The following RYR3 variants were observed in gnomAD, a reference collection of about 807,000 sequenced individuals.
The protein encoded by RYR3 is brain ryanodine receptor-calcium release channel.
Under a neutral mutation model 584.3 loss-of-function variants are expected in RYR3, and 207 were observed. The observed-to-expected ratio is 0.35, with a 90% CI of 0.32 to 0.40. RYR3 has a LOEUF of 0.40. Among genes scored for constraint, RYR3 ranks in the 10% least tolerant of loss-of-function variants. The probability of loss-of-function intolerance (pLI) is 1.00; values close to 1 mark genes in which losing one functional copy is unlikely to be tolerated. For missense variants in RYR3, 5,616 were observed against 6,089.2 expected (o/e 0.92, Z 2.59); for synonymous variants, 2,416 against 2,248.5 (o/e 1.07, Z -2.11).
chr15:33,828,059 T>C (rs556869595), intron 85 of RYR3, among the ~76,000 whole-genome samples: 2 of 152,366 alleles, frequency 1.3e-5, no homozygotes, highest in South Asian at 4.1e-4. Flanking sequence ...GGTGTCTCTG[T>C]CACATTTTGA....
intron 1 of RYR3, among the ~76,000 whole-genome samples, chr15:33,445,334 C>A (rs1167945270): frequency 6.6e-6 from 1 of 152,030 alleles, no homozygotes; most frequent in Non-Finnish European, 1.5e-5. Context: ...AAGAAGGAAT[C>A]TTAAGTTTGA....
chr15:33,648,670 G>T (rs545882797), intron 30 of RYR3, among the ~76,000 whole-genome samples: 1 of 152,178 alleles, frequency 6.6e-6, no homozygotes, highest in Admixed American at 6.5e-5. Context: ...TTTCTCTGAG[G>T]GCAGGGACTG....
At chr15:33,435,139 G>A (rs547604932) in intron 1 of RYR3, among the ~76,000 whole-genome samples, 5 of 151,516 alleles carry the variant, frequency 3.3e-5, no homozygotes, top group African/African-American at 7.3e-5. Context: ...TTAAGTTCAG[G>A]GGTACATGTG....
intron 46 of RYR3, among the ~76,000 whole-genome samples, chr15:33,728,110 A>G (rs1187666471): frequency 2.0e-5 from 3 of 152,288 alleles, no homozygotes; most frequent in East Asian, 3.9e-4. Context: ...GTCTTCATTC[A>G]TGTTTTCTCC....
intron 2 of RYR3, among the ~76,000 whole-genome samples, chr15:33,480,967 C>A (rs541830772): frequency 1.0e-3 from 152 of 152,262 alleles, no homozygotes; most frequent in African/African-American, 3.6e-3. Flanking sequence ...CTCTTTAGTT[C>A]TGTCACTTTT....
At position 33,748,244 on chromosome 15, in the gene RYR3, T is replaced by C; in HGVS notation, c.8120T>C (p.Val2707Ala). 1 of 1,613,808 alleles carries C rather than the reference T, an allele frequency of 6.2e-7. No individual in the cohort carries two copies. Among genetic ancestry groups the C allele is most frequent in the South Asian group, 1.1e-5 (1 of 91,060 alleles). The change falls in exon 54 of 104, where the codon GTG becomes GCG. Residue 2707 changes from valine to alanine, a missense_variant. Around this residue, in one of 9 missense-constraint regions of RYR3, gnomAD observed 1,280 missense variants for 1,426.2 expected, o/e 0.90. Transcript: ENST00000634891. ...QQRENEKLRSVSQANQGNSYS... is the reference protein window; with the variant it reads ...QQRENEKLRSASQANQGNSYS... The stretch of plus-strand genomic sequence containing the variant: ...CGGGAAAATGAGAAGCTTCGAAGTG[T>C]GTCCCAGGCCAACCAGGTATGACAC...
intron 1 of RYR3, among the ~76,000 whole-genome samples, chr15:33,406,729 G>A (rs28687371): frequency 0.093 from 14,090 of 152,128 alleles, 788 homozygotes; most frequent in African/African-American, 0.14. Flanking sequence ...CTTGTTAGTC[G>A]AAGAGGAAAT....
chr15:33,392,720 G>A (rs2042079894), intron 1 of RYR3, among the ~76,000 whole-genome samples: 1 of 152,156 alleles, frequency 6.6e-6, no homozygotes, highest in Non-Finnish European at 1.5e-5. Flanking sequence ...AATAGCAGGA[G>A]ATCCGACACT....
At chr15:33,532,420 C>T (rs1335336329) in intron 4 of RYR3, among the ~76,000 whole-genome samples, 2 of 152,112 alleles carry the variant, frequency 1.3e-5, no homozygotes, top group African/African-American at 4.8e-5. Flanking sequence ...ATCCATGTCC[C>T]TCCACACTAT....
At chr15:33,738,141 C>G (rs1343202906) in intron 49 of RYR3, among the ~76,000 whole-genome samples, 1 of 152,166 alleles carries the variant, frequency 6.6e-6, no homozygotes, top group African/African-American at 2.4e-5. Flanking sequence ...TGGCTACTTT[C>G]AGAAGGTAGC....
chr15:33,675,222 G>A (rs1319864016), intron 38 of RYR3, among the ~76,000 whole-genome samples: 1 of 152,210 alleles, frequency 6.6e-6, no homozygotes, highest in Non-Finnish European at 1.5e-5. Flanking sequence ...TACCCACTTT[G>A]TCCTGAGCAT....
At chr15:33,355,225 A>C (rs945029454) in intron 1 of RYR3, among the ~76,000 whole-genome samples, 4 of 151,948 alleles carry the variant, frequency 2.6e-5, no homozygotes, top group Non-Finnish European at 5.9e-5. Context: ...GCTTGGCCAG[A>C]CTTGTCATCT....
At chr15:33,490,050 A>T (rs2050839259) in intron 2 of RYR3, among the ~76,000 whole-genome samples, 1 of 152,218 alleles carries the variant, frequency 6.6e-6, no homozygotes, top group African/African-American at 2.4e-5. Context: ...ATAATAGAGC[A>T]AATAGTTGAT....
At chr15:33,506,822 C>T (rs2052527315) in intron 3 of RYR3, among the ~76,000 whole-genome samples, 1 of 152,076 alleles carries the variant, frequency 6.6e-6, no homozygotes, top group Non-Finnish European at 1.5e-5. Context: ...TTACTGTACA[C>T]ATTTACTATT....
intron 70 of RYR3, chr15:33,807,856 T>C (rs1156397723): frequency 2.1e-6 from 1 of 473,612 alleles, no homozygotes; most frequent in African/African-American, 1.9e-5. Context: ...GCCACCACAC[T>C]AACAGAGATA....
intron 2 of RYR3, among the ~76,000 whole-genome samples, chr15:33,490,304 G>A (rs944098360): frequency 3.9e-5 from 6 of 152,166 alleles, no homozygotes; most frequent in African/African-American, 1.4e-4. Flanking sequence ...CTGCCTTTGG[G>A]CCACTGAGCA....
intron 10 of RYR3, among the ~76,000 whole-genome samples, chr15:33,562,100 A>C (rs886535413): frequency 1.3e-5 from 2 of 152,166 alleles, no homozygotes; most frequent in African/African-American, 4.8e-5. Context: ...GGAGGGGAAG[A>C]AGTTACCATG....
chr15:33,812,850 C>T lies in RYR3; in HGVS notation c.10258-13C>T. On this transcript the variant is annotated splice_polypyrimidine_tract_variant and intron_variant, in intron 72 of 103. Coordinates refer to ENST00000634891, the MANE Select transcript of RYR3 (RefSeq NM_001036.6). ...GGAAATTCCTCATCTTATGAGTATG[C>T]TTCAATTTTCAGTCTGATGACCCAG... 6.2e-7 allele frequency: 1 copy of T among 1,613,032 alleles called. No homozygotes were observed. Among genetic ancestry groups the T allele is most frequent in the Non-Finnish European group, 8.5e-7 (1 of 1,179,336 alleles).
chr15:33,854,873 G>A lies in RYR3; in HGVS notation c.13968G>A (p.Leu4656=). 1 of 1,613,388 alleles carries A rather than the reference G, an allele frequency of 6.2e-7. No individual in the cohort carries two copies. The highest frequency in any genetic ancestry group is 2.2e-5 in the East Asian group (1 of 44,864). ...LLDIAMGFKT[L]RTILSSVTHN... The stretch of plus-strand genomic sequence containing the variant: ...ACATCGCAATGGGCTTCAAGACACT[G>A]AGGACCATTCTGTCATCTGTAACTC... Residue 4656 remains leucine, a synonymous_variant, in exon 98 of 104, where the codon CTG becomes CTA. Transcript: ENST00000634891.
Sources: allele counts gnomAD v4.1 joint callset (sites outside exome capture counted in the v4.1 genomes callset), GRCh38; gene constraint gnomAD v4.1.1; regional missense constraint gnomAD v4.1.1; transcripts MANE v1.5; gene names NCBI Gene and HGNC (gene_info 2026-07-23, HGNC 2026-07-21).